CSTPP1: variants seen among roughly 807,000 people sequenced by gnomAD.
The protein encoded by CSTPP1 is centriolar satellite-associated tubulin polyglutamylase complex regulator 1, also known as UPF0705 protein C11orf49.
At chr11:47,037,565 G>A in the CSTPP1 span, among the ~76,000 whole-genome samples, 118 of 116,712 alleles carry the variant, frequency 1.0e-3, 8 homozygotes, top group African/African-American at 2.8e-3. Flanking sequence ...CTGGGTACTT[G>A]AGATTAGGGA....
the CSTPP1 span, among the ~76,000 whole-genome samples, chr11:47,127,128 G>A: frequency 6.6e-6 from 1 of 152,152 alleles, no homozygotes; most frequent in Admixed American, 6.5e-5. Flanking sequence ...CTGTGTAGCA[G>A]AGAAAGGCCA....
the CSTPP1 span, among the ~76,000 whole-genome samples, chr11:47,006,980 C>T: frequency 0.65 from 94,465 of 145,024 alleles, 31,185 homozygotes; most frequent in Middle Eastern, 0.69. Context: ...CTCTTTTTTG[C>T]ATTTTCTATC....
chr11:47,036,520 A>G, the CSTPP1 span, among the ~76,000 whole-genome samples: 3 of 121,760 alleles, frequency 2.5e-5, 1 homozygote, highest in African/African-American at 7.6e-5. Context: ...ACATTTTAGG[A>G]TTAAGCAAAT....
At chr11:47,119,198 C>A in the CSTPP1 span, among the ~76,000 whole-genome samples, 1 of 152,262 alleles carries the variant, frequency 6.6e-6, no homozygotes, top group Non-Finnish European at 1.5e-5. Context: ...TGCCGCCTCG[C>A]AGATCAATCT....
the CSTPP1 span, among the ~76,000 whole-genome samples, chr11:47,097,641 G>A: frequency 1.1e-5 from 1 of 90,816 alleles, no homozygotes; most frequent in African/African-American, 4.3e-5. Flanking sequence ...GGGGGGGTCG[G>A]CCCCCCGCCC....
the CSTPP1 span, among the ~76,000 whole-genome samples, chr11:47,093,670 T>A: frequency 6.6e-6 from 1 of 152,194 alleles, no homozygotes; most frequent in Non-Finnish European, 1.5e-5. Flanking sequence ...TTTTTGCTGC[T>A]TGGTCTTGGG....
the CSTPP1 span, among the ~76,000 whole-genome samples, chr11:47,014,462 C>G: frequency 6.6e-6 from 1 of 151,930 alleles, no homozygotes; most frequent in Non-Finnish European, 1.5e-5. Flanking sequence ...CTTTGGGAGA[C>G]TGAGGTGGGT....
the CSTPP1 span, among the ~76,000 whole-genome samples, chr11:46,946,645 G>C: frequency 6.6e-6 from 1 of 152,198 alleles, no homozygotes; most frequent in African/African-American, 2.4e-5. Flanking sequence ...GCGACAGAGC[G>C]AGACTCCATC....
At chr11:47,104,388 G>C in the CSTPP1 span, among the ~76,000 whole-genome samples, 1 of 152,108 alleles carries the variant, frequency 6.6e-6, no homozygotes, top group Non-Finnish European at 1.5e-5. Context: ...CACTGGGTGG[G>C]TGTAACCAAA....
chr11:47,159,195 A>C, the CSTPP1 span, among the ~76,000 whole-genome samples: 1 of 152,154 alleles, frequency 6.6e-6, no homozygotes, highest in Non-Finnish European at 1.5e-5. Flanking sequence ...AAGGTTACCC[A>C]CTGGACTAAG....
chr11:47,003,018 T>C, the CSTPP1 span, among the ~76,000 whole-genome samples: 1 of 152,062 alleles, frequency 6.6e-6, no homozygotes, highest in African/African-American at 2.4e-5. Flanking sequence ...TCATCAAAAG[T>C]TAAGAAACTA....
At chr11:47,161,183 G>T in the CSTPP1 span, 1 of 1,614,226 alleles carries the variant, frequency 6.2e-7, no homozygotes, top group Non-Finnish European at 8.5e-7. Context: ...TGAAGAGCTG[G>T]AACGGCTGTA....
the CSTPP1 span, among the ~76,000 whole-genome samples, chr11:46,978,867 A>T: frequency 6.6e-6 from 1 of 152,146 alleles, no homozygotes. Flanking sequence ...TTTAAATTAG[A>T]ACTTTTCTGT....
the CSTPP1 span, among the ~76,000 whole-genome samples, chr11:47,098,948 T>C: frequency 6.6e-6 from 1 of 152,158 alleles, no homozygotes; most frequent in Admixed American, 6.5e-5. Context: ...TGTAAAATTG[T>C]GTTTTATTTC....
chr11:46,970,917 G>A, the CSTPP1 span, among the ~76,000 whole-genome samples: 1 of 152,280 alleles, frequency 6.6e-6, no homozygotes, highest in East Asian at 1.9e-4. Flanking sequence ...TTCTATGATA[G>A]ATACTACGAT....
At chr11:47,161,241 G>A in the CSTPP1 span, 898 of 1,613,650 alleles carry the variant, frequency 5.6e-4, 1 homozygote, top group Non-Finnish European at 7.1e-4. Flanking sequence ...CAGACGGGTC[G>A]GACACGGCTG....
the CSTPP1 span, chr11:47,023,458 T>G: frequency 2.2e-4 from 34 of 152,752 alleles, no homozygotes; most frequent in African/African-American, 7.7e-4. Flanking sequence ...TGGTTAAAAT[T>G]GACTATTTTA....
the CSTPP1 span, chr11:47,137,943 A>C: frequency 1.7e-6 from 1 of 603,402 alleles, no homozygotes; most frequent in East Asian, 2.8e-5. Flanking sequence ...GGGGAGCCTC[A>C]GGGTCTGAAG....
the CSTPP1 span, among the ~76,000 whole-genome samples, chr11:47,001,193 A>G: frequency 6.6e-6 from 1 of 152,166 alleles, no homozygotes; most frequent in Non-Finnish European, 1.5e-5. Flanking sequence ...ATTTGTTGCT[A>G]CTGAGAATGG....
Sources: gnomAD v4.1 joint callset for allele counts (sites outside exome capture counted in the v4.1 genomes callset) on GRCh38, gnomAD v4.1.1 for gene constraint, MANE v1.5 for transcripts, NCBI Gene and HGNC (gene_info 2026-07-23, HGNC 2026-07-21) for gene names.